Variants in PARD3 observed in about 807,000 individuals in gnomAD.
PARD3 encodes the protein par-3 family cell polarity regulator.
In PARD3, 75 loss-of-function variants were observed where a neutral mutation model predicts 155.4. The observed-to-expected ratio is 0.48, with a 90% CI of 0.40 to 0.58. PARD3 has a LOEUF of 0.58. Among genes scored for constraint, PARD3 ranks in the 20% least tolerant of loss-of-function variants. PARD3 has a pLI of 0.00. For synonymous variants in PARD3, 576 were observed against 610.5 expected, an observed-to-expected ratio of 0.94 and a Z score of 0.83; for missense variants, 1,642 against 1,721.7, an observed-to-expected ratio of 0.95 and a Z score of 0.82.
intron 1 of PARD3, among the ~76,000 whole-genome samples, chr10:34,708,869 A>G (rs1382510587): frequency 6.6e-6 from 1 of 152,186 alleles, no homozygotes; most frequent in Non-Finnish European, 1.5e-5. Flanking sequence ...TGAGCTCAAT[A>G]TGAGATAATA....
intron 1 of PARD3, among the ~76,000 whole-genome samples, chr10:34,716,580 C>T (rs370902440): frequency 1.8e-5 from 2 of 109,472 alleles, no homozygotes; most frequent in East Asian, 3.1e-4. Flanking sequence ...CCCAGGATGG[C>T]TTTTCTTTTT....
At chr10:34,550,833 C>G (rs1178495822) in intron 2 of PARD3, among the ~76,000 whole-genome samples, 1 of 152,148 alleles carries the variant, frequency 6.6e-6, no homozygotes, top group Admixed American at 6.5e-5. Flanking sequence ...TTTTAATAAT[C>G]TACTCATTTT....
chr10:34,345,596 T>G, intron 15 of PARD3: 6 of 984,656 alleles, frequency 6.1e-6, no homozygotes, highest in Non-Finnish European at 7.2e-6. Context: ...CAATAAACAC[T>G]GTTGTTATTG....
intron 22 of PARD3, among the ~76,000 whole-genome samples, chr10:34,250,259 C>T (rs1368222691): frequency 6.6e-6 from 1 of 151,844 alleles, no homozygotes; most frequent in East Asian, 1.9e-4. Flanking sequence ...ATGCTGGAAA[C>T]ATCTTAATAG....
At chr10:34,118,257 T>C (rs1293120178) in intron 24 of PARD3, among the ~76,000 whole-genome samples, 1 of 152,214 alleles carries the variant, frequency 6.6e-6, no homozygotes, top group Non-Finnish European at 1.5e-5. Context: ...CTTATCCCCA[T>C]GGAGACTCAT....
Position 34,594,511 on chromosome 10 carries a change from C to A in PARD3, c.223-77352G>T, listed in dbSNP as rs184998533. On this transcript the variant is annotated intron_variant, in intron 2 of 24. Transcript: ENST00000374788. ...AGCTCTCACCTGGCTATGCAAGAGACCAGAAAACCTCAAGAATGGAGTAAG... is the reference window on the plus strand; with the variant it reads ...AGCTCTCACCTGGCTATGCAAGAGAACAGAAAACCTCAAGAATGGAGTAAG... Among the ~76,000 whole-genome samples the A allele has an allele frequency of 3.3e-3, 504 of 151,724 alleles. 1 individual carries two copies. The highest frequency in any genetic ancestry group is 4.8e-3 in the Non-Finnish European group (328 of 67,980).
At chr10:34,575,751 C>T (rs943786409) in intron 2 of PARD3, among the ~76,000 whole-genome samples, 2 of 152,026 alleles carry the variant, frequency 1.3e-5, no homozygotes, top group Non-Finnish European at 2.9e-5. Context: ...CAAAAGTTAG[C>T]TGGACATGGT....
At chr10:34,315,233 T>C (rs1957938704) in intron 20 of PARD3, among the ~76,000 whole-genome samples, 2 of 152,192 alleles carry the variant, frequency 1.3e-5, no homozygotes, top group African/African-American at 4.8e-5. Context: ...TGTGTGGTGG[T>C]GTTCTTCAAG....
At chr10:34,185,110 C>T (rs1950428142) in intron 22 of PARD3, among the ~76,000 whole-genome samples, 1 of 152,162 alleles carries the variant, frequency 6.6e-6, no homozygotes, top group African/African-American at 2.4e-5. Flanking sequence ...AATCTAACAC[C>T]ACGGCTATCA....
intron 22 of PARD3, among the ~76,000 whole-genome samples, chr10:34,199,578 C>G (rs745824412): frequency 2.6e-5 from 4 of 152,104 alleles, no homozygotes; most frequent in Non-Finnish European, 5.9e-5. Context: ...CCCCCAACCC[C>G]GGTTACCTTC....
chr10:34,350,653 T>C (rs1043975714), intron 14 of PARD3, among the ~76,000 whole-genome samples: 1 of 144,860 alleles, frequency 6.9e-6, no homozygotes, highest in Non-Finnish European at 1.5e-5. Context: ...GGGGGGGTGG[T>C]AGAATTAAGC....
chr10:34,760,904 C>G (rs1434003013), intron 1 of PARD3, among the ~76,000 whole-genome samples: 1 of 152,102 alleles, frequency 6.6e-6, no homozygotes, highest in Non-Finnish European at 1.5e-5. Context: ...CCCACAGAAA[C>G]TATGAGTCAG....
chr10:34,243,700 T>G (rs1660639), intron 22 of PARD3, among the ~76,000 whole-genome samples: 42,797 of 151,730 alleles, frequency 0.28, 11,154 homozygotes, highest in African/African-American at 0.7. Flanking sequence ...GCTGGGTGTG[T>G]CGGCGCGCAC....
At chr10:34,397,795 T>C (rs1393084278) in intron 7 of PARD3, among the ~76,000 whole-genome samples, 3 of 152,172 alleles carry the variant, frequency 2.0e-5, no homozygotes, top group African/African-American at 7.2e-5. Flanking sequence ...TTAAATCTCA[T>C]TTGTGATGAG....
chr10:34,132,463 T>G (rs1947665286), intron 22 of PARD3, among the ~76,000 whole-genome samples: 1 of 152,172 alleles, frequency 6.6e-6, no homozygotes, highest in Non-Finnish European at 1.5e-5. Context: ...AGTCCAACCC[T>G]CATTTCACTA....
At chr10:34,211,847 T>C (rs1951770743) in intron 22 of PARD3, among the ~76,000 whole-genome samples, 1 of 152,036 alleles carries the variant, frequency 6.6e-6, no homozygotes. Flanking sequence ...CCCAGGAGTC[T>C]CACTGTCTGT....
At chr10:34,162,271 C>T (rs151265457) in intron 22 of PARD3, among the ~76,000 whole-genome samples, 15 of 152,262 alleles carry the variant, frequency 9.9e-5, no homozygotes, top group African/African-American at 2.6e-4. Context: ...GGGAACCCAG[C>T]GCCATCAGCT....
At chr10:34,728,272 A>C (rs2094754230) in intron 1 of PARD3, among the ~76,000 whole-genome samples, 1 of 152,230 alleles carries the variant, frequency 6.6e-6, no homozygotes, top group African/African-American at 2.4e-5. Context: ...TACTGCTTCA[A>C]ATACATACAA....
rs549887354 is a variant in PARD3 at position 34,384,203 on chromosome 10, A to C, written c.942T>G (p.His314Gln). The change falls in exon 8 of 25, where the codon CAT becomes CAG. Residue 314 changes from histidine (H) to glutamine (Q), a missense_variant. Around this residue, in one of 3 missense-constraint regions of PARD3, gnomAD observed 1,529 missense variants for 1,587.3 expected, o/e 0.96. Coordinates refer to ENST00000374788, the MANE Select transcript of PARD3 (RefSeq NM_001184785.2). The stretch of plus-strand genomic sequence containing the variant: ...AATCATTCTCACGAAAAAGATTTTC[A>C]TGTTCAGCTTTACCACCTTTCTCCA... ...KRLEKGGKAE[H>Q]ENLFRENDCI... 4.2e-5 allele frequency: 67 copies of C among 1,613,592 alleles called. No individual in the cohort carries two copies. In the South Asian group the frequency reaches 7.1e-4, roughly 17 times the overall value.
Sources: allele counts gnomAD v4.1 joint callset (sites outside exome capture counted in the v4.1 genomes callset), GRCh38; gene constraint gnomAD v4.1.1; regional missense constraint gnomAD v4.1.1; transcripts MANE v1.5; gene names NCBI Gene and HGNC (gene_info 2026-07-23, HGNC 2026-07-21).